The following STAT1 variants were observed in gnomAD, a reference collection of about 807,000 sequenced individuals.
STAT1 encodes signal transducer and activator of transcription 1.
STAT1 carries 24 observed loss-of-function variants against 111.7 expected under a neutral mutation model. The ratio of observed to expected loss-of-function variants is 0.21; its 90% CI spans 0.16 to 0.30. The LOEUF is 0.30. Ranked by LOEUF, STAT1 falls within the 10% of genes least tolerant of loss-of-function variation. The pLI, the probability that STAT1 is intolerant of heterozygous loss-of-function variation, is 1.00. For synonymous variants in STAT1, 332 were observed against 326.5 expected, an observed-to-expected ratio of 1.02 and a Z score of -0.18; for missense variants, 351 against 911.9, an observed-to-expected ratio of 0.38 and a Z score of 7.92.
At chr2:190,992,385 A>G (rs1693433875) in intron 10 of STAT1, among the ~76,000 whole-genome samples, 1 of 152,218 alleles carries the variant, frequency 6.6e-6, no homozygotes, top group Admixed American at 6.5e-5. Context: ...AAACAGTCTG[A>G]TATCAGGAAA....
At position 190,984,469 on chromosome 2, in the gene STAT1, T is replaced by C. The variant is rs1415438561; in HGVS notation, c.1264-76A>G. The C allele has an allele frequency of 2.4e-6, 3 of 1,268,188 alleles. No individual in the cohort carries two copies. The East Asian group carries it at 7.0e-5, about 30-fold the overall frequency. 78.6% of individuals were successfully genotyped at this position (1,268,188 alleles called of 1,614,324 possible). On this transcript the variant is annotated intron_variant, in intron 15 of 24. Transcript: ENST00000361099. The surrounding 1 kb of genome is among the most constrained non-coding windows in gnomAD (Gnocchi z 5.2). ...AAAACTTTCAAAAGCCCAATTAACA[T>C]TGCAACAGGCCACAGAGATCCTGGG...
Position 190,979,632 on chromosome 2 carries a change from C to G in STAT1, c.1727+140G>C. 1.4e-6 allele frequency: 1 copy of G among 705,728 alleles called. No individual in the cohort carries two copies. The highest frequency in any genetic ancestry group is 2.6e-6 in the Non-Finnish European group (1 of 389,366). The allele number at this position is 705,728 out of a possible 1,614,324, so 43.7% of individuals were successfully genotyped here. ...GTTATGAGGTTCTACTCTTCTGAAGCCCTGAAGGGGCAGCCTATAAATGCG... is the reference window on the plus strand; with the variant it reads ...GTTATGAGGTTCTACTCTTCTGAAGGCCTGAAGGGGCAGCCTATAAATGCG... On this transcript the variant is annotated intron_variant, in intron 20 of 24. Transcript: ENST00000361099. This position sits in a 1 kb window ranked among gnomAD's most constrained non-coding sequence, Gnocchi z 5.8.
chr2:190,974,866 C>G lies in STAT1; in HGVS notation c.2202G>C (p.Val734=). 6.2e-7 allele frequency: 1 copy of G among 1,614,216 alleles called. No homozygotes were observed. Reference sequence around the variant, plus strand: ...ATTCTACAGAGCCCACTATCCGAGACACCTCGTCAAACTCCTCAGGAGACA... The same window carrying G: ...ATTCTACAGAGCCCACTATCCGAGAGACCTCGTCAAACTCCTCAGGAGACA... ...LPMSPEEFDE[V]SRIVGSVEFD... is the part of the protein sequence containing the mutation. Residue 734 remains valine (V), a synonymous_variant, in exon 24 of 25, where the codon GTG becomes GTC. Transcript: ENST00000361099. This position sits in a 1 kb window ranked among gnomAD's most constrained non-coding sequence, Gnocchi z 4.8.
rs1160256582 is a variant in STAT1 at position 190,990,603 on chromosome 2, T to C, written c.1037+625A>G. Among the ~76,000 whole-genome samples, 1 of 152,238 alleles carries C rather than the reference T, an allele frequency of 6.6e-6. No homozygotes were observed. The highest frequency in any genetic ancestry group is 1.5e-5 in the Non-Finnish European group (1 of 68,044). Reference sequence around the variant, plus strand: ...AAGAAATATGTCATATTTGTGTGTGTGTGTGTCTCTATATGAAATATTTGT... The same window carrying C: ...AAGAAATATGTCATATTTGTGTGTGCGTGTGTCTCTATATGAAATATTTGT... On this transcript the variant is annotated intron_variant, in intron 11 of 24. Transcript: ENST00000361099. This position sits in a 1 kb window ranked among gnomAD's most constrained non-coding sequence, Gnocchi z 5.1.
chr2:190,996,831 T>G lies in STAT1; in HGVS notation c.785+1025A>C, dbSNP rs1222806503. On this transcript the variant is annotated intron_variant, in intron 9 of 24. Transcript: ENST00000361099. This position sits in a 1 kb window ranked among gnomAD's most constrained non-coding sequence, Gnocchi z 4.5. ...TCATGTTCACTCTGTGATTCCAAGTTCAGCTCCTGTTGCCCCTCACCTGGA... is the reference window on the plus strand; with the variant it reads ...TCATGTTCACTCTGTGATTCCAAGTGCAGCTCCTGTTGCCCCTCACCTGGA... Among the ~76,000 whole-genome samples the G allele has an allele frequency of 3.9e-5, 6 of 152,236 alleles. No individual in the cohort carries two copies. Among genetic ancestry groups the G allele is most frequent in the Non-Finnish European group, 8.8e-5 (6 of 68,040 alleles).
At position 190,993,439 on chromosome 2, in the gene STAT1, T is replaced by G. The variant is rs11887394; in HGVS notation, c.944+1622A>C. The G allele has an allele frequency of 3.6e-3, 5,092 of 1,407,546 alleles. 168 individuals carry two copies. The African/African-American group carries it at 0.067, about 19-fold the overall frequency. The allele number at this position is 1,407,546 out of a possible 1,614,324, so 87.2% of individuals were successfully genotyped here. ...TTCTTATTTTGAAATCCATACCAAT[T>G]GTGCTGATGTAGCTTTCTGTATATG... is the stretch of plus-strand genomic sequence containing the variant. On this transcript the variant is annotated intron_variant, in intron 10 of 24. Coordinates refer to ENST00000361099, the MANE Select transcript of STAT1 (RefSeq NM_007315.4). The surrounding 1 kb of genome is among the most constrained non-coding windows in gnomAD (Gnocchi z 4.1).
rs747802938 is a variant in STAT1 at position 190,998,188 on chromosome 2, G to T, written c.633+29C>A. ...TTATTTACAGTGTATAACAAAAGTGGCATGCTATTCTGGAAAGTAAATAAC... is the reference window on the plus strand; with the variant it reads ...TTATTTACAGTGTATAACAAAAGTGTCATGCTATTCTGGAAAGTAAATAAC... On this transcript the variant is annotated intron_variant, in intron 8 of 24. Transcript: ENST00000361099. This position sits in a 1 kb window ranked among gnomAD's most constrained non-coding sequence, Gnocchi z 4.1. The T allele has an allele frequency of 5.9e-5, 94 of 1,592,806 alleles. No homozygotes were observed. Among genetic ancestry groups the T allele is most frequent in the Non-Finnish European group, 7.5e-5 (87 of 1,161,204 alleles).
At position 190,978,697 on chromosome 2, in the gene STAT1, T is replaced by G; in HGVS notation, c.1873+159A>C. 1 of 883,112 alleles carries G rather than the reference T, an allele frequency of 1.1e-6. No homozygotes were observed. The highest frequency in any genetic ancestry group is 1.8e-6 in the Non-Finnish European group (1 of 559,208). 54.7% of individuals were successfully genotyped at this position (883,112 alleles called of 1,614,324 possible). A position where few individuals can be genotyped will look rare whatever the true frequency, so the allele number is the denominator to read the frequency against. ...AGTGAACCACAACCACAAACATTTG[T>G]GGTGGTTTATTAAATCCTATCGGGG... On this transcript the variant is annotated intron_variant, in intron 21 of 24. Transcript: ENST00000361099. This position sits in a 1 kb window ranked among gnomAD's most constrained non-coding sequence, Gnocchi z 6.1.
rs1180591844 is a variant in STAT1 at position 190,970,114 on chromosome 2, T to C, written c.*589A>G. 1.9e-5 allele frequency: 3 copies of C among 160,024 alleles called. No homozygotes were observed. Among genetic ancestry groups the C allele is most frequent in the Non-Finnish European group, 4.1e-5 (3 of 72,492 alleles). 9.9% of individuals were successfully genotyped at this position (160,024 alleles called of 1,614,324 possible). On this transcript the variant is annotated 3_prime_UTR_variant, in exon 25 of 25. Transcript: ENST00000361099. The surrounding 1 kb of genome is among the most constrained non-coding windows in gnomAD (Gnocchi z 5.4). ...GTCTTTAAATAGCCAATGTGAAAGA[T>C]GTAATAAAATACACATTTTCCCCCT...
Position 190,975,903 on chromosome 2 carries a change from T to C in STAT1, c.2060-16A>G. ...GGCTCTGGTGCTAGAAATAAACACA[T>C]TGTGTACGCTTTCCATCAACCGAAA... On this transcript the variant is annotated splice_polypyrimidine_tract_variant and intron_variant, in intron 22 of 24. Coordinates refer to ENST00000361099, the MANE Select transcript of STAT1 (RefSeq NM_007315.4). This position sits in a 1 kb window ranked among gnomAD's most constrained non-coding sequence, Gnocchi z 5.9. 3 of 1,600,532 alleles carry C rather than the reference T, an allele frequency of 1.9e-6. No homozygotes were observed. Among genetic ancestry groups the C allele is most frequent in the Non-Finnish European group, 2.6e-6 (3 of 1,167,672 alleles).
Position 190,981,379 on chromosome 2 carries a change from T to A in STAT1, c.1583-710A>T, listed in dbSNP as rs1336608926. Among the ~76,000 whole-genome samples, 1 of 152,144 alleles carries A rather than the reference T, an allele frequency of 6.6e-6. No homozygotes were observed. Among genetic ancestry groups the A allele is most frequent in the Non-Finnish European group, 1.5e-5 (1 of 68,030 alleles). On this transcript the variant is annotated intron_variant, in intron 18 of 24. Transcript: ENST00000361099. The surrounding 1 kb of genome is among the most constrained non-coding windows in gnomAD (Gnocchi z 4.1). ...ATGGGCTCAGGCAGTCTGATGCAAA[T>A]CAAAAACCAAGTGAGAGAAACGAGA...
chr2:190,993,134 G>C lies in STAT1; in HGVS notation c.945-1814C>G, dbSNP rs983354339. 2.3e-6 allele frequency: 1 copy of C among 429,050 alleles called. No individual in the cohort carries two copies. Among genetic ancestry groups the C allele is most frequent in the Admixed American group, 3.6e-5 (1 of 27,508 alleles). The allele number at this position is 429,050 out of a possible 1,614,324, so 26.6% of individuals were successfully genotyped here. ...AGTTTCCAAAAACAGAATTCCAAGG[G>C]AATCAGCAAATTCCTTGGCTGTTGT... On this transcript the variant is annotated intron_variant, in intron 10 of 24. Coordinates refer to ENST00000361099, the MANE Select transcript of STAT1 (RefSeq NM_007315.4). This position sits in a 1 kb window ranked among gnomAD's most constrained non-coding sequence, Gnocchi z 4.1.
chr2:190,979,237 T>C lies in STAT1; in HGVS notation c.1728-236A>G, dbSNP rs1018928447. On this transcript the variant is annotated intron_variant, in intron 20 of 24. Transcript: ENST00000361099. This position sits in a 1 kb window ranked among gnomAD's most constrained non-coding sequence, Gnocchi z 5.8. ...CATGGTGTCAGTAGGATGCTACAGATGCTCAATAACACGTGTGGGATTAAT... is the reference window on the plus strand; with the variant it reads ...CATGGTGTCAGTAGGATGCTACAGACGCTCAATAACACGTGTGGGATTAAT... 6.6e-6 allele frequency among the ~76,000 whole-genome samples: 1 copy of C among 152,258 alleles called. No homozygotes were observed. Among genetic ancestry groups the C allele is most frequent in the African/African-American group, 2.4e-5 (1 of 41,464 alleles).
In STAT1 at chr2:190,991,705, T is replaced by G. The variant is rs74646748; in HGVS notation, c.945-385A>C. On this transcript the variant is annotated intron_variant, in intron 10 of 24. Coordinates refer to ENST00000361099, the MANE Select transcript of STAT1 (RefSeq NM_007315.4). Reference sequence around the variant, plus strand: ...GAGACCGTATCTTTACAATTTGTTTTTTTTTTTTTAATTAGCCAGGCGTGG... The same window carrying G: ...GAGACCGTATCTTTACAATTTGTTTGTTTTTTTTTAATTAGCCAGGCGTGG... Among the ~76,000 whole-genome samples the G allele has an allele frequency of 3.0e-3, 453 of 151,928 alleles. 16 individuals carry two copies. In the East Asian group the frequency reaches 0.076, roughly 26 times the overall value.
intron 1 of STAT1, 43 bp from the exon 2 acceptor site, chr2:191,013,721 C>A (rs1041047913): frequency 2.5e-6 from 1 of 398,642 alleles, no homozygotes; most frequent in Non-Finnish European, 4.4e-6. Context: ...GGGGTGGAAA[C>A]GGGAGAAAGT....
rs1691812385 is a variant in STAT1 at position 190,975,195 on chromosome 2, T to C, written c.2136-263A>G. 2.1e-6 allele frequency: 1 copy of C among 485,654 alleles called. No homozygotes were observed. The highest frequency in any genetic ancestry group is 2.0e-5 in the African/African-American group (1 of 50,900). 30.1% of individuals were successfully genotyped at this position (485,654 alleles called of 1,614,324 possible). On this transcript the variant is annotated intron_variant, in intron 23 of 24. Transcript: ENST00000361099. This position sits in a 1 kb window ranked among gnomAD's most constrained non-coding sequence, Gnocchi z 5.9. ...GACTGGAATCTGTGCCGCTTCTGCC[T>C]GGGTAAGCCTAGGTGTGAGCATGTG...
rs1396509768 is a variant in STAT1 at position 191,012,018 on chromosome 2, T to G, written c.-2+1507A>C. 6.6e-6 allele frequency among the ~76,000 whole-genome samples: 1 copy of G among 151,914 alleles called. No homozygotes were observed. Among genetic ancestry groups the G allele is most frequent in the Non-Finnish European group, 1.5e-5 (1 of 67,974 alleles). On this transcript the variant is annotated intron_variant, in intron 2 of 24. Coordinates refer to ENST00000361099, the MANE Select transcript of STAT1 (RefSeq NM_007315.4). This position sits in a 1 kb window ranked among gnomAD's most constrained non-coding sequence, Gnocchi z 4.0. Reference sequence around the variant, plus strand: ...CTTCCACCTCAGCCTCCCAAAGTGCTGGGATTACAGGCGTGAGCTTCCGCA... The same window carrying G: ...CTTCCACCTCAGCCTCCCAAAGTGCGGGGATTACAGGCGTGAGCTTCCGCA...
At chr2:190,988,700 G>T (rs1055358480) in intron 12 of STAT1, among the ~76,000 whole-genome samples, 1 of 152,136 alleles carries the variant, frequency 6.6e-6, no homozygotes, top group Non-Finnish European at 1.5e-5. Context: ...TTTTGGGAGT[G>T]GTTTGTTAGG....
rs932584076 is a variant in STAT1 at position 190,995,445 on chromosome 2, A to G, written c.786-226T>C. On this transcript the variant is annotated intron_variant, in intron 9 of 24. Coordinates refer to ENST00000361099, the MANE Select transcript of STAT1 (RefSeq NM_007315.4). The surrounding 1 kb of genome is among the most constrained non-coding windows in gnomAD (Gnocchi z 4.2). ...AATGAGGAGCAAAGTCACATCTTAC[A>G]TGGTGGCAGGCAAGAGAGTTTGTGG... Among the ~76,000 whole-genome samples, 15 of 152,226 alleles carry G rather than the reference A, an allele frequency of 9.9e-5. No individual in the cohort carries two copies. Among genetic ancestry groups the G allele is most frequent in the African/African-American group, 9.6e-5 (4 of 41,458 alleles).
Sources: gnomAD v4.1 joint callset for allele counts (sites outside exome capture counted in the v4.1 genomes callset) on GRCh38, gnomAD v4.1.1 for gene constraint, Gnocchi (gnomAD v3.1) non-coding constraint, MANE v1.5 for transcripts, NCBI Gene and HGNC (gene_info 2026-07-23, HGNC 2026-07-21) for gene names.